GRID2: variants seen among roughly 807,000 people sequenced by gnomAD.
The protein encoded by GRID2 is glutamate ionotropic receptor delta type subunit 2, also known as glutamate receptor ionotropic, delta-2.
GRID2 carries 33 observed loss-of-function variants against 114.8 expected under a neutral mutation model. That is an observed-to-expected ratio of 0.29 (90% CI 0.22 to 0.38). GRID2 has a LOEUF of 0.38. Among genes scored for constraint, GRID2 ranks in the 10% least tolerant of loss-of-function variants. The probability of loss-of-function intolerance (pLI) is 1.00; values close to 1 mark genes in which losing one functional copy is unlikely to be tolerated. For missense variants in GRID2, 1,184 were observed against 1,257.7 expected (o/e 0.94, Z 0.89); for synonymous variants, 505 against 449.9 (o/e 1.12, Z -1.55).
At chr4:92,433,667 T>G (rs967530269) in intron 1 of GRID2, among the ~76,000 whole-genome samples, 1 of 152,206 alleles carries the variant, frequency 6.6e-6, no homozygotes, top group Admixed American at 6.5e-5. Context: ...CTGTCCTCAA[T>G]ATAATGTTAC....
At chr4:93,786,799 A>G (rs1456139563) in intron 1 of GRID2, among the ~76,000 whole-genome samples, 1 of 152,216 alleles carries the variant, frequency 6.6e-6, no homozygotes, top group Non-Finnish European at 1.5e-5. Context: ...CCTGATCTGT[A>G]CAGTTGCACA....
chr4:92,496,807 A>G (rs1723409817), intron 1 of GRID2, among the ~76,000 whole-genome samples: 1 of 151,796 alleles, frequency 6.6e-6, no homozygotes, highest in African/African-American at 2.4e-5. Flanking sequence ...ACATATATTC[A>G]CACCACCTAA....
At chr4:93,658,436 T>C (rs1723205395) in intron 14 of GRID2, among the ~76,000 whole-genome samples, 1 of 152,176 alleles carries the variant, frequency 6.6e-6, no homozygotes, top group African/African-American at 2.4e-5. Context: ...AGGCATGCTA[T>C]CACCAAGCAC....
chr4:92,541,647 T>C (rs1024070357), intron 1 of GRID2, among the ~76,000 whole-genome samples: 4 of 152,110 alleles, frequency 2.6e-5, no homozygotes, highest in African/African-American at 9.7e-5. Flanking sequence ...ACATGTATAA[T>C]TAATATGAGT....
chr4:93,517,415 C>T (rs1342186377), intron 13 of GRID2, among the ~76,000 whole-genome samples: 1 of 151,890 alleles, frequency 6.6e-6, no homozygotes, highest in Non-Finnish European at 1.5e-5. Context: ...ATTTATTATA[C>T]CATGTTGATT....
At chr4:92,723,819 A>G (rs903170383) in intron 2 of GRID2, among the ~76,000 whole-genome samples, 5 of 152,168 alleles carry the variant, frequency 3.3e-5, no homozygotes, top group African/African-American at 1.2e-4. Flanking sequence ...TTATGGCCTC[A>G]TGCCTCTCAC....
intron 8 of GRID2, among the ~76,000 whole-genome samples, chr4:93,368,624 T>C (rs1762573952): frequency 6.6e-6 from 1 of 152,150 alleles, no homozygotes; most frequent in Admixed American, 6.6e-5. Flanking sequence ...TTTTGAAATA[T>C]CCAGATTAAA....
intron 8 of GRID2, among the ~76,000 whole-genome samples, 175 bp downstream of exon 8, chr4:93,238,665 T>C (rs541836133): frequency 6.6e-6 from 1 of 151,860 alleles, no homozygotes; most frequent in Non-Finnish European, 1.5e-5. Context: ...ACCAGAAGTA[T>C]TAAGCAAGAA....
chr4:93,562,714 G>A (rs552424597), intron 13 of GRID2, among the ~76,000 whole-genome samples: 2 of 152,108 alleles, frequency 1.3e-5, no homozygotes, highest in Admixed American at 1.3e-4. Flanking sequence ...TTTGTGAAGG[G>A]AGCAAGGTTA....
At chr4:93,695,110 G>A (rs1374811906) in intron 14 of GRID2, among the ~76,000 whole-genome samples, 1 of 150,714 alleles carries the variant, frequency 6.6e-6, no homozygotes, top group African/African-American at 2.4e-5. Context: ...GGCGGAAGTC[G>A]CAGTGAGCCG....
chr4:93,758,979 T>C (rs1273561598), intron 14 of GRID2, among the ~76,000 whole-genome samples: 1 of 152,032 alleles, frequency 6.6e-6, no homozygotes, highest in Admixed American at 6.6e-5. Flanking sequence ...TTATGCCCTC[T>C]ATCTCAGTGG....
At chr4:93,073,641 G>A (rs540588023) in intron 2 of GRID2, among the ~76,000 whole-genome samples, 5 of 152,208 alleles carry the variant, frequency 3.3e-5, no homozygotes, top group Non-Finnish European at 7.4e-5. Context: ...GAAAGTAAAA[G>A]CCTTAAGATC....
At chr4:93,502,707 T>TCC (rs142078875) in intron 12 of GRID2, among the ~76,000 whole-genome samples, 6 of 103,964 alleles carry the variant, frequency 5.8e-5, no homozygotes, top group Non-Finnish European at 9.6e-5. Flanking sequence ...TCTCCTCCAC[T>TCC]CCCCCCCCCC....
intron 2 of GRID2, among the ~76,000 whole-genome samples, chr4:93,028,937 C>T (rs1724137467): frequency 1.3e-5 from 2 of 152,090 alleles, no homozygotes; most frequent in South Asian, 2.1e-4. Flanking sequence ...TTTTCATGCA[C>T]ATAAATACAA....
intron 2 of GRID2, among the ~76,000 whole-genome samples, chr4:93,016,868 G>T (rs772554530): frequency 6.6e-6 from 1 of 152,050 alleles, no homozygotes; most frequent in Admixed American, 6.6e-5. Context: ...ACATTATTAG[G>T]TTTGAAATTT....
In GRID2 at chr4:93,555,105, G is replaced by A. The variant is rs112294736; in HGVS notation, c.2193+39694G>A. Among the ~76,000 whole-genome samples, 323 of 152,246 alleles carry A rather than the reference G, an allele frequency of 2.1e-3. 1 individual carries two copies. Among genetic ancestry groups the A allele is most frequent in the African/African-American group, 7.1e-3 (296 of 41,548 alleles). Reference sequence around the variant, plus strand: ...ATACTATGCTTTTCCCACGGTCTTCGCAACCTGCAGACCAGGAGATTCCCT... The same window carrying A: ...ATACTATGCTTTTCCCACGGTCTTCACAACCTGCAGACCAGGAGATTCCCT... On this transcript the variant is annotated intron_variant, in intron 13 of 15. Coordinates refer to ENST00000282020, the MANE Select transcript of GRID2 (RefSeq NM_001510.4).
intron 2 of GRID2, chr4:92,884,937 A>C: frequency 1.6e-5 from 5 of 312,010 alleles, no homozygotes; most frequent in East Asian, 8.5e-5. Context: ...GGTCTCCCCA[A>C]AAAAAAAAAA....
At chr4:92,675,319 A>G (rs1009442006) in intron 2 of GRID2, among the ~76,000 whole-genome samples, 2 of 152,164 alleles carry the variant, frequency 1.3e-5, no homozygotes, top group Non-Finnish European at 2.9e-5. Context: ...CTTGTCTGTC[A>G]TGCCTATGGT....
intron 1 of GRID2, 73 bp downstream of exon 1, chr4:92,304,817 C>G (rs1294722281): frequency 2.6e-5 from 28 of 1,062,896 alleles, no homozygotes; most frequent in Non-Finnish European, 3.2e-5. Flanking sequence ...TTCGCTTTCC[C>G]CCTCTCCGGT....
Sources: allele counts gnomAD v4.1 joint callset (sites outside exome capture counted in the v4.1 genomes callset), GRCh38; gene constraint gnomAD v4.1.1; transcripts MANE v1.5; gene names NCBI Gene and HGNC (gene_info 2026-07-23, HGNC 2026-07-21).